RPS6KA2: variants seen among roughly 807,000 people sequenced by gnomAD.
The protein encoded by RPS6KA2 is ribosomal protein S6 kinase A2.
A neutral mutation model predicts 91.8 loss-of-function variants in RPS6KA2; 42 were observed. The ratio of observed to expected loss-of-function variants is 0.46; its 90% confidence interval spans 0.36 to 0.59. The LOEUF is 0.59. Ranked by LOEUF, RPS6KA2 falls within the 20% of genes least tolerant of loss-of-function variation. The probability of loss-of-function intolerance (pLI) is 0.00; values close to 1 mark genes in which losing one functional copy is unlikely to be tolerated. For missense variants in RPS6KA2, 798 were observed against 978.5 expected (o/e 0.82, Z 2.46); for synonymous variants, 414 against 393.6 (o/e 1.05, Z -0.61).
At chr6:166,425,736 C>G (rs1162978116) in intron 16 of RPS6KA2, among the ~76,000 whole-genome samples, 1 of 151,972 alleles carries the variant, frequency 6.6e-6, no homozygotes, top group Admixed American at 6.6e-5. Context: ...GGGATCAATT[C>G]AACAAGAAGA....
chr6:166,644,570 C>T (rs1403141699), intron 2 of RPS6KA2, among the ~76,000 whole-genome samples: 3 of 152,184 alleles, frequency 2.0e-5, no homozygotes, highest in African/African-American at 4.8e-5. Context: ...ACTTAAGTTG[C>T]GTGAAAGTAT....
At chr6:166,796,316 T>G (rs1483133390) in intron 2 of RPS6KA2, among the ~76,000 whole-genome samples, 1 of 152,096 alleles carries the variant, frequency 6.6e-6, no homozygotes. Flanking sequence ...GTCGGCTGGG[T>G]GCGATGGCTC....
At position 166,662,430 on chromosome 6, in the gene RPS6KA2, T is replaced by C. The variant is rs1396878247; in HGVS notation, c.124-123646A>G. On this transcript the variant is annotated intron_variant, in intron 2 of 21. Coordinates refer to the RPS6KA2 transcript ENST00000503859. The surrounding 1 kb of genome is among the most constrained non-coding windows in gnomAD (Gnocchi z 4.3). The stretch of plus-strand genomic sequence containing the variant: ...CCAAATTACAGACACTTTAGATATC[T>C]GCTTTCTTTGGGGACGTAAGAACAG... 6.6e-6 allele frequency among the ~76,000 whole-genome samples: 1 copy of C among 152,234 alleles called. No homozygotes were observed. Among genetic ancestry groups the C allele is most frequent in the Non-Finnish European group, 1.5e-5 (1 of 68,040 alleles).
intron 2 of RPS6KA2, among the ~76,000 whole-genome samples, chr6:166,679,648 C>G (rs78810783): frequency 1.3e-5 from 2 of 152,186 alleles, no homozygotes; most frequent in East Asian, 3.9e-4. Context: ...CGGCGCTCCT[C>G]GATCTGGCCG....
At chr6:166,843,496 CA>C (rs1461582159) in intron 2 of RPS6KA2, among the ~76,000 whole-genome samples, 2 of 152,178 alleles carry the variant, frequency 1.3e-5, no homozygotes, top group Admixed American at 1.3e-4. Context: ...AAAACACAAC[CA>C]AGGACCCTCA....
chr6:166,811,060 A>G (rs762905939), intron 2 of RPS6KA2, among the ~76,000 whole-genome samples: 1 of 152,274 alleles, frequency 6.6e-6, no homozygotes, highest in Admixed American at 6.5e-5. Context: ...GACCAAGAAT[A>G]CGATGACATC....
chr6:166,824,659 G>T (rs1268026208), intron 2 of RPS6KA2, among the ~76,000 whole-genome samples: 2 of 144,416 alleles, frequency 1.4e-5, no homozygotes, highest in African/African-American at 5.0e-5. Context: ...GTGTGTGTGT[G>T]TGTCTATGTG....
At chr6:166,467,786 C>T (rs1277533154) in intron 11 of RPS6KA2, among the ~76,000 whole-genome samples, 6 of 152,248 alleles carry the variant, frequency 3.9e-5, no homozygotes, top group African/African-American at 1.4e-4. Flanking sequence ...ATCTGTCCAC[C>T]GCCTTTCTCT....
rs112999038 is a variant in RPS6KA2, at chr6:166,683,845, C to T, written c.124-145061G>A. On this transcript the variant is annotated intron_variant, in intron 2 of 21. Transcript: ENST00000503859. The stretch of plus-strand genomic sequence containing the variant: ...TGGAGATACAGGAGAGAGCAGCTAG[C>T]GAGAGGTCCTTGGGGTGTTCGGCAG... Among the ~76,000 whole-genome samples, 1,473 of 152,308 alleles carry T rather than the reference C, an allele frequency of 9.7e-3. 24 individuals are homozygous for T. Among genetic ancestry groups the T allele is most frequent in the African/African-American group, 0.033 (1,363 of 41,564 alleles).
chr6:166,496,393 A>T (rs1781788483), intron 8 of RPS6KA2, among the ~76,000 whole-genome samples: 1 of 151,658 alleles, frequency 6.6e-6, no homozygotes, highest in Admixed American at 6.6e-5. Flanking sequence ...AAAAAGAAAA[A>T]AAATTAAATA....
chr6:166,848,223 G>A (rs1780654410), intron 2 of RPS6KA2, among the ~76,000 whole-genome samples: 1 of 152,138 alleles, frequency 6.6e-6, no homozygotes, highest in African/African-American at 2.4e-5. Context: ...TCTCACTCCT[G>A]CAATAATGCC....
At chr6:166,631,009 G>C (rs903259054), upstream of RPS6KA2, among the ~76,000 whole-genome samples, 2 of 152,184 alleles carry the variant, frequency 1.3e-5, no homozygotes, top group Non-Finnish European at 2.9e-5. Context: ...AGTCAGAAGG[G>C]ATCAAGTTTG....
chr6:166,430,387 T>C (rs1583123030), intron 16 of RPS6KA2, 66 bp downstream of exon 16: 2 of 1,438,028 alleles, frequency 1.4e-6, no homozygotes, highest in Admixed American at 1.9e-5. Context: ...CCATAAACCC[T>C]TGTGGTTTTG....
intron 9 of RPS6KA2, among the ~76,000 whole-genome samples, chr6:166,489,540 G>C (rs983509416): frequency 6.6e-6 from 1 of 152,204 alleles, no homozygotes; most frequent in Non-Finnish European, 1.5e-5. Flanking sequence ...CAAGTGGAAT[G>C]CCCTGAGGCC....
chr6:166,488,951 ATT>A (rs1174067534), intron 9 of RPS6KA2, 30 bp from the exon 10 acceptor site: 4 of 1,562,904 alleles, frequency 2.6e-6, no homozygotes, highest in Non-Finnish European at 3.5e-6. Context: ...TTTAGGATCT[ATT>A]TTAGGAGAAC....
intron 1 of RPS6KA2, among the ~76,000 whole-genome samples, chr6:166,608,249 A>C (rs1204323081): frequency 6.6e-6 from 1 of 152,236 alleles, no homozygotes; most frequent in Non-Finnish European, 1.5e-5. Flanking sequence ...GAATGCAAAC[A>C]ATATGGTATA....
chr6:166,668,164 C>T (rs1408968243), intron 2 of RPS6KA2, among the ~76,000 whole-genome samples: 1 of 152,112 alleles, frequency 6.6e-6, no homozygotes, highest in African/African-American at 2.4e-5. Context: ...GCAGTGCAAG[C>T]GAGGTTTGGT....
In RPS6KA2 at chr6:166,448,676, C is replaced by T. The variant is rs373177303; in HGVS notation, c.1332+48G>A. The T allele has an allele frequency of 1.9e-5, 29 of 1,563,042 alleles. No individual in the cohort carries two copies. Among genetic ancestry groups the T allele is most frequent in the East Asian group, 9.3e-5 (4 of 43,100 alleles). On this transcript the variant is annotated intron_variant, in intron 14 of 20. Transcript: ENST00000265678. This position sits in a 1 kb window ranked among gnomAD's most constrained non-coding sequence, Gnocchi z 4.7. The stretch of plus-strand genomic sequence containing the variant: ...CTCCCACATACCACACGTGCTCCCA[C>T]GCGCTGCACTCACACAGGGCCCTGC...
intron 2 of RPS6KA2, among the ~76,000 whole-genome samples, chr6:166,686,780 C>T (rs564381748): frequency 1.3e-5 from 2 of 152,186 alleles, no homozygotes; most frequent in Non-Finnish European, 2.9e-5. Context: ...GTTTCCTGCA[C>T]CAAGCCGAGA....
Sources: gnomAD v4.1 joint callset for allele counts (sites outside exome capture counted in the v4.1 genomes callset) on GRCh38, gnomAD v4.1.1 for gene constraint, Gnocchi (gnomAD v3.1) non-coding constraint, MANE v1.5 for transcripts, NCBI Gene and HGNC (gene_info 2026-07-23, HGNC 2026-07-21) for gene names.